Variants in TRPS1 observed in about 807,000 individuals in gnomAD.
TRPS1 encodes the protein zinc finger transcription factor Trps1.
TRPS1 carries 6 observed loss-of-function variants against 101.2 expected under a neutral mutation model. The ratio of observed to expected loss-of-function variants is 0.06; its 90% CI spans 0.03 to 0.12. TRPS1 has a LOEUF of 0.12. TRPS1 is among the 10% of genes least tolerant of loss of function. The pLI, the probability that TRPS1 is intolerant of heterozygous loss-of-function variation, is 1.00. For synonymous variants in TRPS1, 578 were observed against 589.8 expected (o/e 0.98, Z 0.29); for missense variants, 1,363 against 1,567.0 (o/e 0.87, Z 2.20).
intron 1 of TRPS1, among the ~76,000 whole-genome samples, chr8:115,650,448 GGTCCCAT>G (rs1811534145): frequency 1.3e-5 from 2 of 152,162 alleles, no homozygotes. Context: ...TCTCCTTCAT[GGTCCCAT>G]GTCCATAGAG....
At chr8:115,531,903 G>T (rs1160032642) in intron 5 of TRPS1, among the ~76,000 whole-genome samples, 2 of 152,066 alleles carry the variant, frequency 1.3e-5, no homozygotes, top group African/African-American at 4.8e-5. Context: ...AAATGGAGAA[G>T]GTACAAGAAA....
intron 1 of TRPS1, among the ~76,000 whole-genome samples, chr8:115,624,690 A>G (rs1818466815): frequency 6.6e-6 from 1 of 151,968 alleles, no homozygotes; most frequent in South Asian, 2.1e-4. Flanking sequence ...TTTTATAAAA[A>G]TAGGAGTGCA....
At position 115,635,855 on chromosome 8, in the gene TRPS1, C is replaced by T. The variant is rs147724821; in HGVS notation, c.-121-12097G>A. On this transcript the variant is annotated intron_variant, in intron 1 of 6. Coordinates refer to ENST00000395715, the MANE Select transcript of TRPS1 (RefSeq NM_014112.5). ...AATTCCAGGAAATAAAAGATTAACACATAAATGTTGTAGAAAATTTGTTTT... is the reference window on the plus strand; with the variant it reads ...AATTCCAGGAAATAAAAGATTAACATATAAATGTTGTAGAAAATTTGTTTT... Among the ~76,000 whole-genome samples, 215 of 152,184 alleles carry T rather than the reference C, an allele frequency of 1.4e-3. 2 individuals are homozygous for T. Among genetic ancestry groups the T allele is most frequent in the Non-Finnish European group, 2.5e-3 (167 of 68,002 alleles).
At chr8:115,598,346 T>C (rs1002688018) in intron 4 of TRPS1, among the ~76,000 whole-genome samples, 6 of 152,124 alleles carry the variant, frequency 3.9e-5, no homozygotes, top group Non-Finnish European at 7.4e-5. Context: ...AATACCTTAG[T>C]CTTTGTCGCC....
chr8:115,541,687 G>C (rs528201795), intron 5 of TRPS1, among the ~76,000 whole-genome samples: 1 of 152,056 alleles, frequency 6.6e-6, no homozygotes, highest in African/African-American at 2.4e-5. Flanking sequence ...TTTGTAAAAC[G>C]AAAGGCCAAA....
At chr8:115,569,244 A>G (rs1436289844) in intron 5 of TRPS1, among the ~76,000 whole-genome samples, 1 of 152,092 alleles carries the variant, frequency 6.6e-6, no homozygotes, top group Non-Finnish European at 1.5e-5. Flanking sequence ...GAGTGATAGT[A>G]TAGTGTAGGC....
At position 115,408,600 on chromosome 8, in the gene TRPS1, A is replaced by G. The variant is rs1812711329; in HGVS notation, c.*5423T>C. 6.6e-6 allele frequency: 1 copy of G among 151,316 alleles called. No individual in the cohort carries two copies. Among genetic ancestry groups the G allele is most frequent in the African/African-American group, 2.4e-5 (1 of 41,202 alleles). The allele number at this position is 151,316 out of a possible 1,614,324, so 9.4% of individuals were successfully genotyped here. A position where few individuals can be genotyped will look rare whatever the true frequency, so the allele number is the denominator to read the frequency against. ...GAAATACACCAAGAACATGTTTGTG[A>G]GTAGAAATGAACATGCACTATGAAA... On this transcript the variant is annotated 3_prime_UTR_variant, in exon 7 of 7. Coordinates refer to ENST00000395715, the MANE Select transcript of TRPS1 (RefSeq NM_014112.5).
chr8:115,521,624 G>A (rs1013379049), intron 5 of TRPS1, among the ~76,000 whole-genome samples: 11 of 151,744 alleles, frequency 7.2e-5, no homozygotes, highest in Non-Finnish European at 4.4e-5. Flanking sequence ...GCTTTGAGAA[G>A]TTAATAATCA....
chr8:115,657,043 T>G (rs1021707645), intron 1 of TRPS1, among the ~76,000 whole-genome samples: 3 of 152,190 alleles, frequency 2.0e-5, no homozygotes, highest in African/African-American at 7.2e-5. Flanking sequence ...TGGAAGCATA[T>G]TTCGTTTTAA....
chr8:115,662,156 A>G (rs1331797330), intron 1 of TRPS1, among the ~76,000 whole-genome samples: 1 of 152,050 alleles, frequency 6.6e-6, no homozygotes, highest in Admixed American at 6.6e-5. Context: ...AACTCTCGCA[A>G]GAAAAACTGA....
chr8:115,663,806 G>A (rs576234670), intron 1 of TRPS1, among the ~76,000 whole-genome samples: 31 of 150,740 alleles, frequency 2.1e-4, no homozygotes, highest in Non-Finnish European at 3.5e-4. Context: ...GACCAGTAGA[G>A]TTTCTTCACC....
At chr8:115,662,172 A>T (rs1030791704) in intron 1 of TRPS1, among the ~76,000 whole-genome samples, 2 of 152,066 alleles carry the variant, frequency 1.3e-5, no homozygotes, top group African/African-American at 4.8e-5. Flanking sequence ...ACTGAGAAAC[A>T]TATCAAGTAA....
intron 5 of TRPS1, among the ~76,000 whole-genome samples, chr8:115,532,256 T>G (rs1816152187): frequency 6.6e-6 from 1 of 152,090 alleles, no homozygotes; most frequent in Non-Finnish European, 1.5e-5. Context: ...TTTTTTTTTT[T>G]TACCATACAT....
At chr8:115,576,794 C>T (rs1817329676) in intron 5 of TRPS1, among the ~76,000 whole-genome samples, 1 of 152,122 alleles carries the variant, frequency 6.6e-6, no homozygotes, top group Non-Finnish European at 1.5e-5. Context: ...ATATTTTAAT[C>T]ACATGTGAAT....
chr8:115,642,849 AAT>A (rs1554602864), intron 1 of TRPS1, among the ~76,000 whole-genome samples: 2 of 146,038 alleles, frequency 1.4e-5, no homozygotes, highest in Admixed American at 6.9e-5. Flanking sequence ...CGTGAAAAAA[AAT>A]ATATATATAT....
chr8:115,580,410 A>C (rs939073708), intron 5 of TRPS1, among the ~76,000 whole-genome samples: 3 of 152,022 alleles, frequency 2.0e-5, no homozygotes, highest in Non-Finnish European at 4.4e-5. Context: ...GAAAATTACC[A>C]GATTCACATC....
chr8:115,476,914 A>C (rs1814620487), intron 5 of TRPS1, among the ~76,000 whole-genome samples: 1 of 152,204 alleles, frequency 6.6e-6, no homozygotes. Context: ...ATAATTACTT[A>C]TTCTCTATCT....
At chr8:115,657,405 T>C (rs1811699582) in intron 1 of TRPS1, among the ~76,000 whole-genome samples, 1 of 152,112 alleles carries the variant, frequency 6.6e-6, no homozygotes, top group Admixed American at 6.6e-5. Context: ...CAATCATTTA[T>C]TGAACTACAC....
chr8:115,652,194 C>T (rs1356940364), intron 1 of TRPS1, among the ~76,000 whole-genome samples: 2 of 152,142 alleles, frequency 1.3e-5, no homozygotes, highest in African/African-American at 2.4e-5. Flanking sequence ...ATCCAATTCA[C>T]GTGAGAGATG....
Sources: allele counts gnomAD v4.1 joint callset (sites outside exome capture counted in the v4.1 genomes callset), GRCh38; gene constraint gnomAD v4.1.1; transcripts MANE v1.5; gene names NCBI Gene and HGNC (gene_info 2026-07-23, HGNC 2026-07-21).